The following FRY variants were observed in gnomAD, a reference collection of about 807,000 sequenced individuals.
FRY encodes FRY microtubule binding protein.
FRY carries 128 observed loss-of-function variants against 348.4 expected under a neutral mutation model. That is an observed-to-expected ratio of 0.37 (90% CI 0.32 to 0.43). The LOEUF is 0.43. Among genes scored for constraint, FRY ranks in the 20% least tolerant of loss-of-function variants. FRY has a pLI of 1.00. For missense variants in FRY, 2,736 were observed against 3,695.2 expected, an observed-to-expected ratio of 0.74 and a Z score of 6.73; for synonymous variants, 1,370 against 1,374.7, an observed-to-expected ratio of 1.00 and a Z score of 0.08.
In FRY at chr13:32,237,733, T is replaced by A. The variant is rs987922879; in HGVS notation, c.6165T>A (p.Asp2055Glu). Residue 2055 changes from aspartate (D) to glutamate (E), a missense_variant, in exon 44 of 61, where the codon GAT becomes GAA. Transcript: ENST00000542859. This position sits in a 1 kb window ranked among gnomAD's most constrained non-coding sequence, Gnocchi z 6.3. ...FWVTVALMES[D>E]FEFEYLMALR... ...TCACAGTGGCCTTGATGGAGTCTGA[T>A]TTTGAGTTTGAATACTTAATGGCCT... The A allele has an allele frequency of 3.1e-6, 5 of 1,614,204 alleles. No homozygotes were observed. The highest frequency in any genetic ancestry group is 4.2e-6 in the Non-Finnish European group (5 of 1,180,042).
At chr13:32,097,451 T>C (rs574503955) in intron 2 of FRY, among the ~76,000 whole-genome samples, 2 of 140,592 alleles carry the variant, frequency 1.4e-5, no homozygotes, top group African/African-American at 5.3e-5. Context: ...AACCTCCACC[T>C]CCTGGTTCAA....
chr13:32,274,764 T>C, intron 55 of FRY, 78 bp from the exon 56 acceptor site: 1 of 843,844 alleles, frequency 1.2e-6, no homozygotes, highest in Admixed American at 1.9e-5. Flanking sequence ...AAAAAGAAGC[T>C]ACCCCTCCCC....
At chr13:32,137,907 C>T (rs186520833) in intron 11 of FRY, among the ~76,000 whole-genome samples, 7 of 152,180 alleles carry the variant, frequency 4.6e-5, no homozygotes, top group Admixed American at 3.3e-4. Context: ...ACCATAATTA[C>T]ACAATAATCT....
intron 1 of FRY, among the ~76,000 whole-genome samples, chr13:32,041,316 CAG>C (rs1213460167): frequency 1.1e-5 from 1 of 92,488 alleles, no homozygotes; most frequent in South Asian, 3.9e-4. Context: ...TTTTTTGAGA[CAG>C]AGTCTAGCTT....
chr13:32,120,693 A>G (rs1878596996), intron 4 of FRY, among the ~76,000 whole-genome samples: 1 of 151,932 alleles, frequency 6.6e-6, no homozygotes, highest in South Asian at 2.1e-4. Context: ...ACGGAGTCTC[A>G]CTCTGTCACC....
chr13:32,224,876 T>A, intron 37 of FRY, 57 bp from the exon 38 acceptor site: 1 of 967,462 alleles, frequency 1.0e-6, no homozygotes, highest in South Asian at 1.3e-5. Context: ...CTTAATGATC[T>A]ACTAGTATTT....
chr13:32,097,634 T>A (rs1260758634), intron 2 of FRY, among the ~76,000 whole-genome samples: 1 of 152,040 alleles, frequency 6.6e-6, no homozygotes, highest in African/African-American at 2.4e-5. Flanking sequence ...GTCCTGGGAT[T>A]ATAGCCATAA....
chr13:32,116,794 G>C (rs554207082), intron 3 of FRY, among the ~76,000 whole-genome samples: 4 of 152,086 alleles, frequency 2.6e-5, no homozygotes, highest in Admixed American at 2.6e-4. Flanking sequence ...AATGTAACAG[G>C]GGGTAAATTA....
intron 35 of FRY, 103 bp downstream of exon 35, chr13:32,212,485 A>G (rs1339824011): frequency 2.7e-6 from 2 of 740,380 alleles, no homozygotes; most frequent in Admixed American, 4.2e-5. Flanking sequence ...TTACACGTAC[A>G]TAAAAATCCT....
chr13:32,060,785 C>A, intron 1 of FRY: 1 of 254,574 alleles, frequency 3.9e-6, no homozygotes, highest in South Asian at 4.9e-5. Flanking sequence ...ATAGTATGTT[C>A]TTGTGGATAA....
At chr13:32,087,556 G>C (rs1445937749) in intron 2 of FRY, among the ~76,000 whole-genome samples, 1 of 152,158 alleles carries the variant, frequency 6.6e-6, no homozygotes, top group Non-Finnish European at 1.5e-5. Context: ...AAGTCCTTTG[G>C]CAAGTGACAT....
chr13:32,139,340 C>T (rs1879913216), intron 11 of FRY, among the ~76,000 whole-genome samples: 1 of 152,186 alleles, frequency 6.6e-6, no homozygotes, highest in African/African-American at 2.4e-5. Context: ...CTTTCTGCAC[C>T]CTTCCCTGCC....
chr13:32,250,025 T>C (rs1429513881), intron 49 of FRY, among the ~76,000 whole-genome samples: 1 of 152,174 alleles, frequency 6.6e-6, no homozygotes, highest in Non-Finnish European at 1.5e-5. Flanking sequence ...ACATCCTTAG[T>C]TCTCCCAACC....
chr13:32,206,582 A>G (rs1245506355), intron 31 of FRY, among the ~76,000 whole-genome samples: 1 of 152,172 alleles, frequency 6.6e-6, no homozygotes, highest in Non-Finnish European at 1.5e-5. Flanking sequence ...GAGCATGTTT[A>G]TTAGCTGAGA....
Position 32,239,367 on chromosome 13 carries a change from A to G in FRY, c.6516+18A>G, listed in dbSNP as rs751331479. ...TTGCTCAGGTATGAGTTACAGTTCC[A>G]CACTCAGGCAGATCCATAGAGGCCT... On this transcript the variant is annotated intron_variant, in intron 45 of 60. Coordinates refer to ENST00000542859, the MANE Select transcript of FRY (RefSeq NM_023037.3). This position sits in a 1 kb window ranked among gnomAD's most constrained non-coding sequence, Gnocchi z 4.3. The G allele has an allele frequency of 6.9e-7, 1 of 1,450,600 alleles. No individual in the cohort carries two copies. 89.9% of individuals were successfully genotyped at this position (1,450,600 alleles called of 1,614,324 possible). A position where few individuals can be genotyped will look rare whatever the true frequency, so the allele number is the denominator to read the frequency against.
At position 32,224,374 on chromosome 13, in the gene FRY, G is replaced by A. The variant is rs769438338; in HGVS notation, c.4905G>A (p.Gly1635=). 2.5e-6 allele frequency: 4 copies of A among 1,614,034 alleles called. No homozygotes were observed. Among genetic ancestry groups the A allele is most frequent in the South Asian group, 2.2e-5 (2 of 91,072 alleles). The change falls in exon 37 of 61, where the codon GGG becomes GGA. Residue 1635 remains glycine (G), a synonymous_variant. Transcript: ENST00000542859. ...TCCCGGAGACCATCACTCCCCGGGG[G>A]CCACTCCACAGGTGAGCAGCATGTG... The part of the protein sequence containing the change: ...DYLPETITPR[G]PLHRCNIAVI...
At chr13:32,064,650 TGCTCATCCATTG>T (rs1874139778) in intron 1 of FRY, among the ~76,000 whole-genome samples, 1 of 152,228 alleles carries the variant, frequency 6.6e-6, no homozygotes, top group African/African-American at 2.4e-5. Flanking sequence ...TAAATTCGTG[TGCTCATCCATTG>T]GCTGTTCAAC....
intron 53 of FRY, among the ~76,000 whole-genome samples, chr13:32,262,870 T>A (rs1486632125): frequency 1.3e-5 from 2 of 152,190 alleles, no homozygotes; most frequent in Non-Finnish European, 2.9e-5. Flanking sequence ...ATTTGGGGAA[T>A]TTTTTCCTTT....
chr13:32,222,440 G>T (rs1287633904), intron 36 of FRY, among the ~76,000 whole-genome samples: 1 of 152,190 alleles, frequency 6.6e-6, no homozygotes, highest in Non-Finnish European at 1.5e-5. Context: ...GTGGAACACA[G>T]ACCTCAAGTG....
Sources: gnomAD v4.1 joint callset for allele counts (sites outside exome capture counted in the v4.1 genomes callset) on GRCh38, gnomAD v4.1.1 for gene constraint, Gnocchi (gnomAD v3.1) non-coding constraint, MANE v1.5 for transcripts, NCBI Gene and HGNC (gene_info 2026-07-23, HGNC 2026-07-21) for gene names.